Variants in ZNF142 observed in about 807,000 individuals in gnomAD.
The protein encoded by ZNF142 is zinc finger protein 142 (clone pHZ-49).
A neutral mutation model predicts 132.1 loss-of-function variants in ZNF142; 96 were observed. That is an observed-to-expected ratio of 0.73 (90% CI 0.62 to 0.86). The LOEUF is 0.86. Among genes scored for constraint, ZNF142 ranks in the 40% least tolerant of loss-of-function variants. The pLI is 0.00. For synonymous variants in ZNF142, 842 were observed against 890.1 expected (o/e 0.95, Z 0.96); for missense variants, 2,163 against 2,336.2 (o/e 0.93, Z 1.53).
At position 218,638,524 on chromosome 2, in the gene ZNF142, T is replaced by A; in HGVS notation, c.5479A>T (p.Asn1827Tyr). ...DRHPFFCRLC[N>Y]YKAKQKFQVV... ...TGGAACTTTTGCTTGGCCTTGTAGT[T>A]GCAGAGGCGGCAAAAGAAGGGGTGG... is the stretch of plus-strand genomic sequence containing the variant. Residue 1827 changes from asparagine (N) to tyrosine (Y), a missense_variant, in exon 11 of 11, where the codon AAC (asparagine) becomes TAC (tyrosine). Physicochemically the swap from Asn to Tyr is moderately radical, Grantham distance 143. Around this residue, in one of 7 missense-constraint regions of ZNF142, gnomAD observed 325 missense variants for 367.8 expected, o/e 0.88. Transcript: ENST00000411696. 2 of 1,609,796 alleles carry A rather than the reference T, an allele frequency of 1.2e-6. No homozygotes were observed. The highest frequency in any genetic ancestry group is 1.7e-6 in the Non-Finnish European group (2 of 1,176,934).
chr2:218,644,182 G>A lies in ZNF142; in HGVS notation c.2934C>T (p.Asn978=). The A allele has an allele frequency of 6.2e-7, 1 of 1,614,080 alleles. No individual in the cohort carries two copies. The highest frequency in any genetic ancestry group is 2.2e-5 in the East Asian group (1 of 44,876). The part of the protein sequence containing the change: ...NPPSLEEAPN[N]WVGTFKTTPP... The stretch of plus-strand genomic sequence containing the variant: ...GAGTTGTCTTGAAGGTTCCTACCCA[G>A]TTGTTAGGAGCCTCCTCTAAGGATG... Residue 978 remains asparagine, a synonymous_variant, in exon 9 of 11, where the codon AAC becomes AAT. Coordinates refer to ENST00000411696, the MANE Select transcript of ZNF142 (RefSeq NM_001379659.1). The surrounding 1 kb of genome is among the most constrained non-coding windows in gnomAD (Gnocchi z 4.6).
Position 218,648,640 on chromosome 2 carries a change from T to C in ZNF142, c.1868A>G (p.His623Arg). 6 of 1,612,206 alleles carry C rather than the reference T, an allele frequency of 3.7e-6. No individual in the cohort carries two copies. The highest frequency in any genetic ancestry group is 5.1e-6 in the Non-Finnish European group (6 of 1,178,234). The change falls in exon 7 of 11, where the codon CAT becomes CGT. Residue 623 changes from histidine to arginine, a missense_variant. His to Arg is a conservative substitution (Grantham distance 29). Transcript: ENST00000411696. The stretch of plus-strand genomic sequence containing the variant: ...AAGGATGGAAACCATCCTACCCGTA[T>C]GTAGAAGCATGTGTCGGATGAGCAC... ...KRVLIRHMLLHTGEKPHKCEL... is the reference protein window; with the variant it reads ...KRVLIRHMLLRTGEKPHKCEL...
intron 9 of ZNF142, among the ~76,000 whole-genome samples, chr2:218,641,817 G>A (rs1030490569): frequency 7.9e-5 from 12 of 152,188 alleles, no homozygotes; most frequent in Admixed American, 7.2e-4. Flanking sequence ...GATTACAGGC[G>A]TGAGCCACAT....
At position 218,636,831 on chromosome 2, in the gene ZNF142, C is replaced by G. The variant is rs770538349; in HGVS notation, c.*1508G>C. ...GCCCTTTTCCTTTGTGTACTCTATA[C>G]TGGAGTTCCCTTCTTCCTCTTGCTG... On this transcript the variant is annotated 3_prime_UTR_variant, in exon 11 of 11. Coordinates refer to ENST00000411696, the MANE Select transcript of ZNF142 (RefSeq NM_001379659.1). The G allele has an allele frequency of 1.8e-6, 1 of 561,118 alleles. No homozygotes were observed. The highest frequency in any genetic ancestry group is 3.4e-6 in the Non-Finnish European group (1 of 295,702). 34.8% of individuals were successfully genotyped at this position (561,118 alleles called of 1,614,324 possible).
intron 4 of ZNF142, 79 bp from the exon 5 acceptor site, chr2:218,652,379 T>C: frequency 2.2e-6 from 1 of 445,042 alleles, no homozygotes; most frequent in Non-Finnish European, 4.5e-6. Context: ...TAGTAGAAAA[T>C]GTAGGTGAAT....
chr2:218,656,348 G>A lies in ZNF142; in HGVS notation c.82C>T (p.Pro28Ser), dbSNP rs1938496021. ...ATTCCACGGTTAGAGAGAGGCGGGGGGATCAGCAATAGCTCAGGGCACAGT... is the reference window on the plus strand; with the variant it reads ...ATTCCACGGTTAGAGAGAGGCGGGGAGATCAGCAATAGCTCAGGGCACAGT... ...DGLCPELLLI[P>S]PPLSNRGILG... is the part of the protein sequence containing the mutation. The change falls in exon 4 of 11, where the codon CCC becomes TCC. Residue 28 changes from proline (P) to serine (S), a missense_variant. Physicochemically the swap from Pro to Ser is moderately conservative, Grantham distance 74. Coordinates refer to ENST00000411696, the MANE Select transcript of ZNF142 (RefSeq NM_001379659.1). 1 of 1,582,918 alleles carries A rather than the reference G, an allele frequency of 6.3e-7. No individual in the cohort carries two copies. The highest frequency in any genetic ancestry group is 8.6e-7 in the Non-Finnish European group (1 of 1,161,178).
At position 218,638,675 on chromosome 2, in the gene ZNF142, C is replaced by T. The variant is rs778255912; in HGVS notation, c.5328G>A (p.Thr1776=). 3.9e-5 allele frequency: 63 copies of T among 1,614,086 alleles called. No homozygotes were observed. The Middle Eastern group carries it at 6.6e-4, about 17-fold the overall frequency. The change falls in exon 11 of 11, where the codon ACG becomes ACA. Residue 1776 remains threonine, a synonymous_variant. Coordinates refer to ENST00000411696, the MANE Select transcript of ZNF142 (RefSeq NM_001379659.1). ...GAAGGTGGGTGCGCAGCAGGAAGCG[C>T]GTCTTGAAGGCCTTGCCACACTGCT... The part of the protein sequence containing the change: ...MCEQCGKAFK[T]RFLLRTHLRK...
Position 218,643,102 on chromosome 2 carries a change from G to A in ZNF142, c.4014C>T (p.Ser1338=). 1 of 1,611,534 alleles carries A rather than the reference G, an allele frequency of 6.2e-7. No homozygotes were observed. Among genetic ancestry groups the A allele is most frequent in the Non-Finnish European group, 8.5e-7 (1 of 1,178,904 alleles). The part of the protein sequence containing the change: ...PLEESGELHC[S]LCPFTAPAAT... Reference sequence around the variant, plus strand: ...CAGCAGGAGCAGTGAATGGGCAGAGGCTGCAGTGCAGCTCTCCAGACTCCT... The same window carrying A: ...CAGCAGGAGCAGTGAATGGGCAGAGACTGCAGTGCAGCTCTCCAGACTCCT... Residue 1338 remains serine, a synonymous_variant, in exon 9 of 11, where the codon AGC becomes AGT. Transcript: ENST00000411696.
rs2106250296 is a variant in ZNF142, at chr2:218,650,457, G to A, written c.950C>T (p.Thr317Ile). ...TTTCTCTACATTCTCCTCTTCAGCT[G>A]TCTCCTGCCCAGGCAAGGGTGTACC... ...EAGTPLPGQE[T>I]AEEENVEKEE... The change falls in exon 6 of 11, where the codon ACA becomes ATA. Residue 317 changes from threonine to isoleucine, a missense_variant. Physicochemically the swap from Thr to Ile is moderately conservative, Grantham distance 89. Around this residue, in one of 7 missense-constraint regions of ZNF142, gnomAD observed 749 missense variants for 830.3 expected, o/e 0.90. Transcript: ENST00000411696. 1.2e-6 allele frequency: 2 copies of A among 1,614,076 alleles called. No homozygotes were observed. The highest frequency in any genetic ancestry group is 8.5e-7 in the Non-Finnish European group (1 of 1,179,964).
intron 5 of ZNF142, 129 bp from the exon 6 acceptor site, chr2:218,650,655 T>G: frequency 1.1e-6 from 1 of 878,646 alleles, no homozygotes; most frequent in Non-Finnish European, 1.7e-6. Context: ...TTGGGTTTTA[T>G]GTATAAATGT....
chr2:218,646,355 T>C lies in ZNF142; in HGVS notation c.1874-7A>G. The C allele has an allele frequency of 6.2e-7, 1 of 1,613,580 alleles. No individual in the cohort carries two copies. The highest frequency in any genetic ancestry group is 8.5e-7 in the Non-Finnish European group (1 of 1,179,870). On this transcript the variant is annotated splice_polypyrimidine_tract_variant and splice_region_variant and intron_variant, in intron 7 of 10. Coordinates refer to ENST00000411696, the MANE Select transcript of ZNF142 (RefSeq NM_001379659.1). Reference sequence around the variant, plus strand: ...CACTTGTGGGGCTTCTCACCTTATATGGGGGATGCGGATGAAGGGAGAGAA... The same window carrying C: ...CACTTGTGGGGCTTCTCACCTTATACGGGGGATGCGGATGAAGGGAGAGAA...
rs1199997964 is a variant in ZNF142 at position 218,637,756 on chromosome 2, C to A, written c.*583G>T. On this transcript the variant is annotated 3_prime_UTR_variant, in exon 11 of 11. Coordinates refer to ENST00000411696, the MANE Select transcript of ZNF142 (RefSeq NM_001379659.1). Reference sequence around the variant, plus strand: ...GTCAAGGGTCAAGATGGCTCAAGGACAGGGAGAAGGCAGACCTAGGCCTGT... The same window carrying A: ...GTCAAGGGTCAAGATGGCTCAAGGAAAGGGAGAAGGCAGACCTAGGCCTGT... 6.6e-6 allele frequency among the ~76,000 whole-genome samples: 1 copy of A among 152,078 alleles called. No homozygotes were observed. The highest frequency in any genetic ancestry group is 1.5e-5 in the Non-Finnish European group (1 of 68,030).
At position 218,649,363 on chromosome 2, in the gene ZNF142, A is replaced by C; in HGVS notation, c.1145T>G (p.Leu382Arg). 6.2e-7 allele frequency: 1 copy of C among 1,614,134 alleles called. No individual in the cohort carries two copies. Among genetic ancestry groups the C allele is most frequent in the Non-Finnish European group, 8.5e-7 (1 of 1,180,006 alleles). ...GCTGGGGTCTGGGAAGTGGAGATGC[A>C]GGTGCTCCACCAGATGAGTCCGCTT... ...FKKRTHLVEH[L>R]HLHFPDPSLQ... The change falls in exon 7 of 11, where the codon CTG becomes CGG. Residue 382 changes from leucine to arginine, a missense_variant. Transcript: ENST00000411696.
chr2:218,633,811 A>G lies in ZNF142; in HGVS notation c.*4528T>C. ...GGAGGGAAGTGGGATGGATAGGTTC[A>G]GGCCTGATGGACTGGCAGGTAAGTC... On this transcript the variant is annotated 3_prime_UTR_variant, in exon 11 of 11. Coordinates refer to ENST00000411696, the MANE Select transcript of ZNF142 (RefSeq NM_001379659.1). The G allele has an allele frequency of 1.3e-6, 2 of 1,597,870 alleles. No homozygotes were observed. The highest frequency in any genetic ancestry group is 2.7e-5 in the African/African-American group (2 of 74,752).
chr2:218,655,093 A>G (rs187979528), intron 4 of ZNF142, among the ~76,000 whole-genome samples: 1 of 152,338 alleles, frequency 6.6e-6, no homozygotes, highest in Admixed American at 6.5e-5. Flanking sequence ...TGTCTCAACA[A>G]AACCCCCAAA....
At chr2:218,651,156 A>G (rs1575079258) in intron 5 of ZNF142, among the ~76,000 whole-genome samples, 1 of 151,846 alleles carries the variant, frequency 6.6e-6, no homozygotes, top group East Asian at 1.9e-4. Context: ...CAATTTTTGT[A>G]TTTTTTGTAG....
chr2:218,652,351 C>T (rs1938087646), intron 4 of ZNF142, 51 bp from the exon 5 acceptor site: 1 of 454,730 alleles, frequency 2.2e-6, no homozygotes, highest in Non-Finnish European at 4.4e-6. Context: ...TGGAACAAGA[C>T]TCATAGGAGT....
rs1190024752 is a variant in ZNF142, at chr2:218,643,094, G to A, written c.4022C>T (p.Pro1341Leu). ...ESGELHCSLC[P>L]FTAPAATALR... ...GGCAGTGGCAGCAGGAGCAGTGAAT[G>A]GGCAGAGGCTGCAGTGCAGCTCTCC... Residue 1341 changes from proline (P) to leucine (L), a missense_variant, in exon 9 of 11, where the codon CCA (proline) becomes CTA (leucine). By Grantham distance (98) the Pro-to-Leu change is moderately conservative (BLOSUM62 -3). Around this residue, in one of 7 missense-constraint regions of ZNF142, gnomAD observed 809 missense variants for 801.7 expected, o/e 1.01. Coordinates refer to ENST00000411696, the MANE Select transcript of ZNF142 (RefSeq NM_001379659.1). 6.8e-6 allele frequency: 11 copies of A among 1,609,684 alleles called. No homozygotes were observed. The highest frequency in any genetic ancestry group is 4.4e-5 in the South Asian group (4 of 90,706).
intron 10 of ZNF142, among the ~76,000 whole-genome samples, chr2:218,639,733 G>GAA (rs34789965): frequency 1.5e-3 from 148 of 101,666 alleles, no homozygotes; most frequent in Middle Eastern, 7.9e-3. Flanking sequence ...CCCTGTCACT[G>GAA]AAAAAAAAAA....
Sources: gnomAD v4.1 joint callset for allele counts (sites outside exome capture counted in the v4.1 genomes callset) on GRCh38, gnomAD v4.1.1 for gene constraint, gnomAD v4.1.1 regional missense constraint, Gnocchi (gnomAD v3.1) non-coding constraint, MANE v1.5 for transcripts, NCBI Gene and HGNC (gene_info 2026-07-23, HGNC 2026-07-21) for gene names.